The following RBFOX1 variants were observed in gnomAD, a reference collection of about 807,000 sequenced individuals.
RBFOX1 encodes RNA binding protein fox-1 homolog 1.
A neutral mutation model predicts 57.7 loss-of-function variants in RBFOX1; 8 were observed. The observed-to-expected ratio is 0.14, with a 90% CI of 0.08 to 0.25. The LOEUF is 0.25. RBFOX1 is among the 10% of genes least tolerant of loss of function. The pLI, the probability that RBFOX1 is intolerant of heterozygous loss-of-function variation, is 1.00. For synonymous variants in RBFOX1, 326 were observed against 222.4 expected (o/e 1.47, Z -4.15); for missense variants, 611 against 548.5 (o/e 1.11, Z -1.14).
intron 4 of RBFOX1, among the ~76,000 whole-genome samples, chr16:7,140,248 C>A (rs1448744883): frequency 9.0e-6 from 1 of 110,630 alleles, no homozygotes; most frequent in African/African-American, 3.4e-5. Flanking sequence ...TAAATTTTGT[C>A]CATTTTTTTT....
intron 4 of RBFOX1, among the ~76,000 whole-genome samples, chr16:7,122,746 A>C (rs1198833012): frequency 1.3e-5 from 2 of 152,178 alleles, no homozygotes; most frequent in Admixed American, 1.3e-4. Context: ...TTGTATATTT[A>C]TAAAAAACAT....
At chr16:7,421,377 A>C (rs191121925) in intron 4 of RBFOX1, among the ~76,000 whole-genome samples, 1 of 152,178 alleles carries the variant, frequency 6.6e-6, no homozygotes, top group Non-Finnish European at 1.5e-5. Flanking sequence ...TTGCCAGTTT[A>C]ATGGACACTT....
chr16:7,326,048 C>G (rs1007364590), intron 4 of RBFOX1, among the ~76,000 whole-genome samples: 2 of 152,056 alleles, frequency 1.3e-5, no homozygotes, highest in African/African-American at 4.8e-5. Flanking sequence ...GGTAACTGAC[C>G]AGGCACACAT....
chr16:6,517,313 C>T (rs527614029), intron 2 of RBFOX1, among the ~76,000 whole-genome samples: 1 of 152,266 alleles, frequency 6.6e-6, no homozygotes, highest in African/African-American at 2.4e-5. Context: ...CTCCCTTCAC[C>T]TTTAGTATTC....
At chr16:5,379,360 GC>G (rs1461629129) in intron 1 of RBFOX1, among the ~76,000 whole-genome samples, 1 of 151,478 alleles carries the variant, frequency 6.6e-6, no homozygotes. Context: ...CACACCCCCA[GC>G]CCAGGAAGTT....
chr16:7,073,129 T>C (rs935095458), intron 4 of RBFOX1, among the ~76,000 whole-genome samples: 4 of 152,170 alleles, frequency 2.6e-5, no homozygotes, highest in Admixed American at 1.3e-4. Context: ...GTGTGTATCT[T>C]AGGGCAAGGG....
chr16:5,561,596 G>A (rs558737806), intron 2 of RBFOX1, among the ~76,000 whole-genome samples: 71 of 152,134 alleles, frequency 4.7e-4, no homozygotes, highest in South Asian at 1.0e-3. Flanking sequence ...ACGATATAAG[G>A]TTTTAAATAC....
chr16:6,135,782 C>T (rs991766718), intron 1 of RBFOX1, among the ~76,000 whole-genome samples: 51 of 135,244 alleles, frequency 3.8e-4, no homozygotes, highest in African/African-American at 1.4e-3. Flanking sequence ...GCACTCGTTT[C>T]GACTTTTTTT....
rs369830794 is a variant in RBFOX1 at position 5,381,134 on chromosome 16, G to A, written c.220-86082G>A. ...ATGCTGAAGGAGGAAGAGGGACTGAGGAATCAGAAGAGCTAGTATGGGGTC... is the reference window on the plus strand; with the variant it reads ...ATGCTGAAGGAGGAAGAGGGACTGAAGAATCAGAAGAGCTAGTATGGGGTC... On this transcript the variant is annotated intron_variant, in intron 1 of 2. Transcript: ENST00000585867. Among the ~76,000 whole-genome samples, 7 of 152,314 alleles carry A rather than the reference G, an allele frequency of 4.6e-5. No homozygotes were observed. In the East Asian group the frequency reaches 9.7e-4, roughly 21 times the overall value.
chr16:7,439,710 G>T (rs560644373), intron 4 of RBFOX1, among the ~76,000 whole-genome samples: 1 of 152,288 alleles, frequency 6.6e-6, no homozygotes, highest in East Asian at 1.9e-4. Context: ...ATTTGTGACT[G>T]TATCTGCATT....
In RBFOX1 at chr16:5,393,663, G is replaced by T. The variant is rs530323928; in HGVS notation, c.220-73553G>T. ...CATCCTGTTGCTCTTTTCAAAAAAA[G>T]GAGGTGTTCTGTGTTTTTGTTTTTT... On this transcript the variant is annotated intron_variant, in intron 1 of 2. Transcript: ENST00000585867. 1.4e-4 allele frequency among the ~76,000 whole-genome samples: 21 copies of T among 152,172 alleles called. No individual in the cohort carries two copies. The South Asian group carries it at 1.5e-3, about 11-fold the overall frequency.
rs530847236 is a variant in RBFOX1, at chr16:6,335,572, G to T, written c.-64+18515G>T. Among the ~76,000 whole-genome samples the T allele has an allele frequency of 2.6e-5, 4 of 152,020 alleles. No homozygotes were observed. In the East Asian group the frequency reaches 5.8e-4, roughly 22 times the overall value. ...AGGCTGGTGGATCACGAGGTCAAGA[G>T]ATTGAGACCCTCCTGGCCAACATGG... On this transcript the variant is annotated intron_variant, in intron 2 of 15. Coordinates refer to ENST00000550418, the MANE Select transcript of RBFOX1 (RefSeq NM_018723.4).
chr16:6,817,465 A>G (rs1433824317), intron 3 of RBFOX1, among the ~76,000 whole-genome samples: 1 of 151,102 alleles, frequency 6.6e-6, no homozygotes, highest in Admixed American at 6.6e-5. Flanking sequence ...AGGCAGAGGC[A>G]GGCAGATTGG....
intron 2 of RBFOX1, among the ~76,000 whole-genome samples, chr16:6,441,470 G>T (rs546140339): frequency 6.6e-6 from 1 of 152,090 alleles, no homozygotes; most frequent in East Asian, 1.9e-4. Flanking sequence ...AGGCTGGAGT[G>T]CAGTGGGGCA....
chr16:7,347,213 C>G (rs187719641), intron 4 of RBFOX1, among the ~76,000 whole-genome samples: 190 of 152,238 alleles, frequency 1.2e-3, no homozygotes, highest in Non-Finnish European at 2.2e-3. Context: ...GTGCATTAGT[C>G]TGTTTTCATG....
At chr16:7,058,826 C>A (rs1028724077) in intron 4 of RBFOX1, among the ~76,000 whole-genome samples, 1 of 151,938 alleles carries the variant, frequency 6.6e-6, no homozygotes, top group African/African-American at 2.4e-5. Context: ...ATTTATTGTT[C>A]CACTTATTTA....
chr16:6,589,980 A>G (rs762999532), intron 2 of RBFOX1, among the ~76,000 whole-genome samples: 4 of 151,918 alleles, frequency 2.6e-5, no homozygotes. Context: ...ATTTCCAGTC[A>G]CTCCTCTTCT....
chr16:6,441,865 A>C (rs1244033787), intron 2 of RBFOX1, among the ~76,000 whole-genome samples: 7 of 152,090 alleles, frequency 4.6e-5, no homozygotes, highest in Non-Finnish European at 1.0e-4. Flanking sequence ...GTCCTTCTCT[A>C]TTGAATTGGA....
At chr16:7,694,439 T>G (rs1372139873) in intron 14 of RBFOX1, among the ~76,000 whole-genome samples, 5 of 152,218 alleles carry the variant, frequency 3.3e-5, no homozygotes, top group Non-Finnish European at 5.9e-5. Flanking sequence ...CTATCTCTGT[T>G]CTAAAAGGCA....
Sources: allele counts gnomAD v4.1 joint callset (sites outside exome capture counted in the v4.1 genomes callset), GRCh38; gene constraint gnomAD v4.1.1; transcripts MANE v1.5; gene names NCBI Gene and HGNC (gene_info 2026-07-23, HGNC 2026-07-21).